The following DDX42 variants were observed in gnomAD, a reference collection of about 807,000 sequenced individuals.
The protein encoded by DDX42 is ATP-dependent RNA helicase DDX42.
Under a neutral mutation model 101.5 loss-of-function variants are expected in DDX42, and 22 were observed. The ratio of observed to expected loss-of-function variants is 0.22; its 90% confidence interval spans 0.15 to 0.31. The LOEUF (loss-of-function observed/expected upper bound fraction) is 0.31. Ranked by LOEUF, DDX42 falls within the 10% of genes least tolerant of loss-of-function variation. DDX42 has a pLI of 1.00. For missense variants in DDX42, 849 were observed against 1,199.9 expected, an observed-to-expected ratio of 0.71 and a Z score of 4.32; for synonymous variants, 402 against 401.2, an observed-to-expected ratio of 1.00 and a Z score of -0.02.
intron 14 of DDX42, among the ~76,000 whole-genome samples, chr17:63,812,573 G>A (rs1465554828): frequency 1.3e-5 from 2 of 152,106 alleles, no homozygotes; most frequent in African/African-American, 4.8e-5. Context: ...ACAGTTTTTG[G>A]AATATAATTT....
chr17:63,807,085 A>G (rs548590297), intron 8 of DDX42, among the ~76,000 whole-genome samples: 18 of 152,180 alleles, frequency 1.2e-4, no homozygotes, highest in Non-Finnish European at 2.2e-4. Flanking sequence ...AAGGGGGGAA[A>G]ATTTTTAAAA....
chr17:63,785,092 G>A (rs1221190078), intron 1 of DDX42, among the ~76,000 whole-genome samples: 2 of 152,194 alleles, frequency 1.3e-5, no homozygotes, highest in African/African-American at 2.4e-5. Context: ...ATATCTGGGA[G>A]AGGAAATTTC....
intron 1 of DDX42, among the ~76,000 whole-genome samples, chr17:63,781,988 C>T (rs7221143): frequency 0.23 from 35,292 of 150,960 alleles, 4,301 homozygotes; most frequent in Middle Eastern, 0.34. Flanking sequence ...CCAGCCTGGG[C>T]GACAGAGTGA....
At chr17:63,794,139 A>G (rs578069302) in intron 3 of DDX42, among the ~76,000 whole-genome samples, 1 of 152,282 alleles carries the variant, frequency 6.6e-6, no homozygotes, top group Admixed American at 6.5e-5. Context: ...ACACTCTCGT[A>G]AATTCTCTCC....
chr17:63,818,452 G>C lies in DDX42; in HGVS notation c.*54G>C. 6.5e-7 allele frequency: 1 copy of C among 1,530,872 alleles called. No homozygotes were observed. 94.8% of individuals were successfully genotyped at this position (1,530,872 alleles called of 1,614,324 possible). On this transcript the variant is annotated 3_prime_UTR_variant, in exon 18 of 18. Coordinates refer to ENST00000389924, the MANE Select transcript of DDX42 (RefSeq NM_203499.3). ...TGTCCTTAATTTTTAGAAAGATTTT[G>C]GTAACTAGGTGTCTCAGGGCTGGGT... is the stretch of plus-strand genomic sequence containing the variant.
At chr17:63,807,290 G>A (rs1447673397) in intron 8 of DDX42, among the ~76,000 whole-genome samples, 1 of 152,140 alleles carries the variant, frequency 6.6e-6, no homozygotes, top group African/African-American at 2.4e-5. Flanking sequence ...ACAGGCGCAC[G>A]CCAGCACACC....
chr17:63,775,938 G>C (rs1234439938), intron 1 of DDX42: 1 of 152,218 alleles, frequency 6.6e-6, no homozygotes, highest in Non-Finnish European at 1.5e-5. Flanking sequence ...CAGGAGAAGG[G>C]ATGCTTCTAA....
chr17:63,810,667 G>C, intron 12 of DDX42, 107 bp downstream of exon 12: 1 of 1,118,742 alleles, frequency 8.9e-7, no homozygotes, highest in South Asian at 1.3e-5. Context: ...GTGTCTGTTG[G>C]TGAGAACCAT....
chr17:63,802,983 T>C (rs2039791125), intron 6 of DDX42, among the ~76,000 whole-genome samples: 1 of 152,138 alleles, frequency 6.6e-6, no homozygotes, highest in Non-Finnish European at 1.5e-5. Flanking sequence ...ACAGTAGGCT[T>C]GACAGCTTTT....
chr17:63,801,460 C>A (rs551690099), intron 6 of DDX42, among the ~76,000 whole-genome samples: 1 of 152,248 alleles, frequency 6.6e-6, no homozygotes, highest in Admixed American at 6.5e-5. Context: ...CTCAAGTGAT[C>A]CTTTCACTTC....
In DDX42 at chr17:63,811,997, T is replaced by A; in HGVS notation, c.1464T>A (p.Leu488=). Residue 488 remains leucine (L), a synonymous_variant, in exon 14 of 18, where the codon CTT becomes CTA. Transcript: ENST00000389924. ...LHSGPSKWNW[L]TRRLVEFTSS... ...CTGGACCTAGTAAATGGAACTGGCT[T>A]ACCCGGCGTCTGGTAGAATTTACCT... 6.2e-7 allele frequency: 1 copy of A among 1,614,230 alleles called. No homozygotes were observed. Among genetic ancestry groups the A allele is most frequent in the East Asian group, 2.2e-5 (1 of 44,884 alleles).
intron 2 of DDX42, among the ~76,000 whole-genome samples, chr17:63,788,754 A>G (rs1598326522): frequency 6.6e-6 from 1 of 152,344 alleles, no homozygotes; most frequent in South Asian, 2.1e-4. Flanking sequence ...GTGGTTAGAA[A>G]AGGCTGGGAT....
rs1431549789 is a variant in DDX42, at chr17:63,794,680, C to T, written c.372+2118C>T. Among the ~76,000 whole-genome samples the T allele has an allele frequency of 2.6e-5, 4 of 151,130 alleles. No individual in the cohort carries two copies. The East Asian group carries it at 7.8e-4, about 29-fold the overall frequency. On this transcript the variant is annotated intron_variant, in intron 3 of 17. Transcript: ENST00000389924. ...GCCGGGCACAGTGGCTCACGGCTCA[C>T]ATTTGTAATCCCAGCACTTTGGGAG...
At chr17:63,804,487 G>A (rs879284926) in intron 6 of DDX42, among the ~76,000 whole-genome samples, 4 of 152,112 alleles carry the variant, frequency 2.6e-5, no homozygotes, top group Non-Finnish European at 5.9e-5. Context: ...TCTAAAAGCA[G>A]AGCTATCTCC....
chr17:63,818,049 A>G lies in DDX42; in HGVS notation c.2468A>G (p.Glu823Gly). 1.2e-6 allele frequency: 2 copies of G among 1,614,038 alleles called. No homozygotes were observed. Among genetic ancestry groups the G allele is most frequent in the Non-Finnish European group, 1.7e-6 (2 of 1,180,030 alleles). The change falls in exon 18 of 18, where the codon GAG becomes GGG. Residue 823 changes from glutamate (E) to glycine (G), a missense_variant. Physicochemically the swap from Glu to Gly is moderately conservative, Grantham distance 98. Around this residue, in one of 5 missense-constraint regions of DDX42, gnomAD observed 300 missense variants for 304.9 expected, o/e 0.98. Transcript: ENST00000389924. ...NRGSSRHSHG[E>G]TGNRHSDSPR... Reference sequence around the variant, plus strand: ...GGCAGCAGCCGTCACAGTCACGGAGAGACTGGCAATCGGCATAGCGATAGT... The same window carrying G: ...GGCAGCAGCCGTCACAGTCACGGAGGGACTGGCAATCGGCATAGCGATAGT...
intron 13 of DDX42, chr17:63,811,605 T>C (rs1039935958): frequency 2.1e-6 from 1 of 466,146 alleles, no homozygotes; most frequent in Non-Finnish European, 3.9e-6. Context: ...CCTGTACATA[T>C]GCGCTATGTG....
At chr17:63,817,524 C>T in intron 17 of DDX42, 170 bp from the exon 18 acceptor site, 1 of 632,086 alleles carries the variant, frequency 1.6e-6, no homozygotes, top group Non-Finnish European at 2.7e-6. Flanking sequence ...CACAAGTTTT[C>T]CTTTATAGCA....
chr17:63,789,605 C>T (rs1293756932), intron 2 of DDX42, among the ~76,000 whole-genome samples: 1 of 110,328 alleles, frequency 9.1e-6, no homozygotes, highest in East Asian at 3.0e-4. Context: ...CAGAGTTTCG[C>T]TCTTGTTGCC....
chr17:63,809,076 C>G lies in DDX42; in HGVS notation c.1152+128C>G, dbSNP rs957739638. ...TGAAAATATACTGATGAACGGCAGG[C>G]TGTGGTTTTAATTTTGATTGGTGGC... On this transcript the variant is annotated intron_variant, in intron 10 of 17. Transcript: ENST00000389924. 53 of 1,342,048 alleles carry G rather than the reference C, an allele frequency of 3.9e-5. No individual in the cohort carries two copies. The African/African-American group carries it at 7.2e-4, about 18-fold the overall frequency. 83.1% of individuals were successfully genotyped at this position (1,342,048 alleles called of 1,614,324 possible).
Sources: allele counts gnomAD v4.1 joint callset (sites outside exome capture counted in the v4.1 genomes callset), GRCh38; gene constraint gnomAD v4.1.1; regional missense constraint gnomAD v4.1.1; transcripts MANE v1.5; gene names NCBI Gene and HGNC (gene_info 2026-07-23, HGNC 2026-07-21).